Variants in ACSS1 observed in about 807,000 individuals in gnomAD.
The protein encoded by ACSS1 is acyl-CoA synthetase short chain family member 1.
In ACSS1, 42 loss-of-function variants were observed where a neutral mutation model predicts 75.3. That is an observed-to-expected ratio of 0.56 (90% CI 0.44 to 0.72). The LOEUF (loss-of-function observed/expected upper bound fraction) is 0.72, where lower values mean the gene tolerates loss of function less well. ACSS1 is among the 30% of genes least tolerant of loss of function. The pLI is 0.00. For missense variants in ACSS1, 782 were observed against 935.7 expected (o/e 0.84, Z 2.14); for synonymous variants, 380 against 376.8 (o/e 1.01, Z -0.10).
rs1283897038 is a variant in ACSS1 at position 25,048,245 on chromosome 20, T to C, written c.335-64A>G. On this transcript the variant is annotated intron_variant, in intron 1 of 13. Transcript: ENST00000323482. ...CTTTTTGAGTGAGAATTCGGCCAGG[T>C]TGAGGGGTTGGAGCGGGTCTAGTTT... 2.7e-6 allele frequency: 4 copies of C among 1,466,284 alleles called. No homozygotes were observed. The East Asian group carries it at 6.8e-5, about 25-fold the overall frequency. The allele number at this position is 1,466,284 out of a possible 1,614,324, so 90.8% of individuals were successfully genotyped here.
At chr20:25,008,822 G>A (rs914849835) in intron 13 of ACSS1, among the ~76,000 whole-genome samples, 3 of 152,208 alleles carry the variant, frequency 2.0e-5, no homozygotes, top group African/African-American at 7.2e-5. Context: ...CCATTTCTGT[G>A]ACTAGCCTGC....
rs759044380 is a variant in ACSS1 at position 25,013,563 on chromosome 20, C to T, written c.1552G>A (p.Val518Met). The change falls in exon 10 of 14, where the codon GTG (valine) becomes ATG (methionine). Residue 518 changes from valine (V) to methionine (M), a missense_variant. By Grantham distance (21) the Val-to-Met change is conservative. Coordinates refer to ENST00000323482, the MANE Select transcript of ACSS1 (RefSeq NM_032501.4). ...RTIYGDHQRF[V>M]DAYFKAYPGY... ...GGGTAGGCCTTGAAGTAGGCGTCCA[C>T]AAATCGCTGGTGGTCGCCATAGATG... The T allele has an allele frequency of 3.5e-5, 56 of 1,605,708 alleles. No homozygotes were observed. Among genetic ancestry groups the T allele is most frequent in the Non-Finnish European group, 4.6e-5 (54 of 1,173,190 alleles).
intron 1 of ACSS1, among the ~76,000 whole-genome samples, chr20:25,053,394 TC>T (rs1417271128): frequency 6.6e-6 from 1 of 152,034 alleles, no homozygotes. Flanking sequence ...ATAGCAATCT[TC>T]CCTGGCAGGC....
rs1348752267 is a variant in ACSS1 at position 25,007,337 on chromosome 20, G to C, written c.*425C>G. 6 of 1,072,768 alleles carry C rather than the reference G, an allele frequency of 5.6e-6. No homozygotes were observed. The African/African-American group carries it at 8.3e-5, about 15-fold the overall frequency. The allele number at this position is 1,072,768 out of a possible 1,614,324, so 66.5% of individuals were successfully genotyped here. ...CATGCTGTTCTTCCACAATATAAAA[G>C]TATAAAAATAAGATTTCTGACCTTT... is the stretch of plus-strand genomic sequence containing the variant. On this transcript the variant is annotated 3_prime_UTR_variant, in exon 14 of 14. Transcript: ENST00000323482.
At chr20:25,009,610 T>G (rs2088370653) in intron 12 of ACSS1, 7 of 545,718 alleles carry the variant, frequency 1.3e-5, no homozygotes, top group Admixed American at 6.5e-5. Flanking sequence ...TCCAGGTGAG[T>G]GCACATGTGT....
chr20:25,034,135 C>T (rs1344449725), intron 2 of ACSS1, among the ~76,000 whole-genome samples: 1 of 152,186 alleles, frequency 6.6e-6, no homozygotes, highest in African/African-American at 2.4e-5. Flanking sequence ...GGACGTCAGG[C>T]GGTGCAGCCT....
intron 1 of ACSS1, among the ~76,000 whole-genome samples, chr20:25,056,702 G>A (rs1431637780): frequency 6.6e-6 from 1 of 152,116 alleles, no homozygotes; most frequent in African/African-American, 2.4e-5. Context: ...GGAGGAGTTG[G>A]AGAAAATGGG....
intron 3 of ACSS1, among the ~76,000 whole-genome samples, chr20:25,023,897 T>C (rs2088670855): frequency 6.6e-6 from 1 of 152,200 alleles, no homozygotes; most frequent in East Asian, 1.9e-4. Context: ...CAGCTCTTCC[T>C]CCTTGAGTCA....
chr20:25,033,109 G>T (rs978043481), intron 2 of ACSS1, among the ~76,000 whole-genome samples: 24 of 152,138 alleles, frequency 1.6e-4, no homozygotes, highest in Admixed American at 1.3e-3. Context: ...GGAGGAGGCT[G>T]GGGTGGCCTG....
rs979194381 is a variant in ACSS1, at chr20:25,006,617, C to G, written c.*1145G>C. The G allele has an allele frequency of 5.6e-6, 3 of 532,352 alleles. No homozygotes were observed. Among genetic ancestry groups the G allele is most frequent in the Non-Finnish European group, 6.6e-6 (2 of 302,512 alleles). The allele number at this position is 532,352 out of a possible 1,614,324, so 33.0% of individuals were successfully genotyped here. ...CAAACTCTCCCTCCCCTAAGGGACC[C>G]GGCTCACTGGGCCTCCTTCCCCTGC... On this transcript the variant is annotated 3_prime_UTR_variant, in exon 14 of 14. Transcript: ENST00000323482.
At chr20:25,056,917 G>A (rs1286048883) in intron 1 of ACSS1, among the ~76,000 whole-genome samples, 1 of 152,100 alleles carries the variant, frequency 6.6e-6, no homozygotes, top group Non-Finnish European at 1.5e-5. Flanking sequence ...GGCCAGCCCT[G>A]CCTGCAGTTC....
intron 2 of ACSS1, among the ~76,000 whole-genome samples, chr20:25,047,530 G>C (rs1349881498): frequency 6.6e-6 from 1 of 152,198 alleles, no homozygotes; most frequent in African/African-American, 2.4e-5. Flanking sequence ...TGGACAAGAA[G>C]ACCCTGGAGC....
intron 2 of ACSS1, chr20:25,046,890 G>C (rs6083730): frequency 1.3e-6 from 1 of 779,486 alleles, no homozygotes; most frequent in South Asian, 1.3e-5. Flanking sequence ...TAAGAAATGC[G>C]TGCTGTATAG....
In ACSS1 at chr20:25,013,647, C is replaced by A; in HGVS notation, c.1468G>T (p.Gly490Cys). The change falls in exon 10 of 14, where the codon GGC (glycine) becomes TGC (cysteine). Residue 490 changes from glycine to cysteine, a missense_variant. Coordinates refer to ENST00000323482, the MANE Select transcript of ACSS1 (RefSeq NM_032501.4). ...CACAGGGCCCCGGAGACGTTGCTGC[C>A]CTCCACGACGCTGCCCTGTAGACCC... ...LMDEKGSVVEGSNVSGALCIS... is the reference protein window; with the variant it reads ...LMDEKGSVVECSNVSGALCIS... 6.2e-7 allele frequency: 1 copy of A among 1,604,908 alleles called. No homozygotes were observed. Among genetic ancestry groups the A allele is most frequent in the Non-Finnish European group, 8.5e-7 (1 of 1,175,116 alleles).
At chr20:25,051,862 G>T (rs1755646424) in intron 1 of ACSS1, among the ~76,000 whole-genome samples, 1 of 152,230 alleles carries the variant, frequency 6.6e-6, no homozygotes, top group African/African-American at 2.4e-5. Context: ...AATCCTTGGA[G>T]TGGGTATAAT....
At chr20:25,032,217 CCTATCACCA>C (rs1223849200) in intron 2 of ACSS1, among the ~76,000 whole-genome samples, 21 of 152,318 alleles carry the variant, frequency 1.4e-4, no homozygotes, top group African/African-American at 4.8e-4. Flanking sequence ...CACTCTGGGG[CCTATCACCA>C]GGTTCACCCA....
chr20:25,052,245 A>T (rs1008835552), intron 1 of ACSS1, among the ~76,000 whole-genome samples: 1 of 152,206 alleles, frequency 6.6e-6, no homozygotes, highest in African/African-American at 2.4e-5. Flanking sequence ...TTTAAAAAAA[A>T]ATCTGCCCAA....
chr20:25,027,042 T>C (rs1030427644), intron 3 of ACSS1, among the ~76,000 whole-genome samples: 1 of 152,264 alleles, frequency 6.6e-6, no homozygotes, highest in Non-Finnish European at 1.5e-5. Flanking sequence ...CTTAGCATAA[T>C]GCTGAAAGCA....
chr20:25,026,337 A>C (rs553907904), intron 3 of ACSS1, among the ~76,000 whole-genome samples: 24 of 152,332 alleles, frequency 1.6e-4, no homozygotes, highest in Non-Finnish European at 2.9e-4. Context: ...TGGTTCGGCC[A>C]ATCTAGTAAG....
Sources: allele counts gnomAD v4.1 joint callset (sites outside exome capture counted in the v4.1 genomes callset), GRCh38; gene constraint gnomAD v4.1.1; transcripts MANE v1.5; gene names NCBI Gene and HGNC (gene_info 2026-07-23, HGNC 2026-07-21).